Variants in URGCP observed in about 807,000 individuals in gnomAD.
URGCP encodes up-regulator of cell proliferation.
Under a neutral mutation model 24.6 loss-of-function variants are expected in URGCP, and 13 were observed. The observed-to-expected ratio is 0.53, with a 90% CI of 0.34 to 0.84. The LOEUF (loss-of-function observed/expected upper bound fraction) is 0.84. URGCP is among the 40% of genes least tolerant of loss of function. The pLI is 0.01. For synonymous variants in URGCP, 444 were observed against 487.2 expected, an observed-to-expected ratio of 0.91 and a Z score of 1.17; for missense variants, 899 against 1,194.3, an observed-to-expected ratio of 0.75 and a Z score of 3.64.
In URGCP at chr7:43,878,130, G is replaced by T. The variant is rs146588529; in HGVS notation, c.1333C>A (p.Arg445=). ...TGCGCCATGTCCTCCACAGATACCC[G>T]CCTGCAGGGTGCCCGCAGCACATTC... The part of the protein sequence containing the change: ...VGNVLRAPCR[R]VSVEDMAHAA... Residue 445 remains arginine (R), a synonymous_variant, in exon 6 of 6, where the codon CGG becomes AGG. Coordinates refer to ENST00000453200, the MANE Select transcript of URGCP (RefSeq NM_001077663.3). This position sits in a 1 kb window ranked among gnomAD's most constrained non-coding sequence, Gnocchi z 5.6. 19 of 1,614,198 alleles carry T rather than the reference G, an allele frequency of 1.2e-5. No homozygotes were observed. The highest frequency in any genetic ancestry group is 1.6e-5 in the Non-Finnish European group (19 of 1,180,038).
intron 3 of URGCP, among the ~76,000 whole-genome samples, chr7:43,884,401 A>T (rs2095859062): frequency 3.3e-5 from 5 of 152,162 alleles, no homozygotes; most frequent in Admixed American, 3.3e-4. Context: ...TAAGGATGAG[A>T]TAAGCTCTGA....
Position 43,877,670 on chromosome 7 carries a change from C to G in URGCP, c.1793G>C (p.Gly598Ala), listed in dbSNP as rs1313402829. Residue 598 changes from glycine to alanine, a missense_variant, in exon 6 of 6, where the codon GGC becomes GCC. Coordinates refer to ENST00000453200, the MANE Select transcript of URGCP (RefSeq NM_001077663.3). ...TLLTLRPKHGGTTDVGEPLWP... is the reference protein window; with the variant it reads ...TLLTLRPKHGATTDVGEPLWP... Reference sequence around the variant, plus strand: ...GAGCGGCTCCCCCACGTCTGTGGTGCCCCCATGCTTTGGTCTCAGGGTGAG... The same window carrying G: ...GAGCGGCTCCCCCACGTCTGTGGTGGCCCCATGCTTTGGTCTCAGGGTGAG... The G allele has an allele frequency of 1.9e-6, 3 of 1,614,054 alleles. 1 individual carries two copies. The Admixed American group carries it at 5.0e-5, about 27-fold the overall frequency.
intron 3 of URGCP, among the ~76,000 whole-genome samples, chr7:43,883,989 G>A (rs867778405): frequency 6.6e-5 from 10 of 152,198 alleles, no homozygotes. Context: ...AGAGAAAATG[G>A]TTAGAGAAAA....
intron 1 of URGCP, among the ~76,000 whole-genome samples, chr7:43,899,817 AAAAG>A (rs747281182): frequency 1.3e-5 from 2 of 152,192 alleles, no homozygotes; most frequent in South Asian, 4.1e-4. Context: ...TTAGTGCCCT[AAAAG>A]AAAGTATTAG....
At chr7:43,891,703 G>A (rs756913115) in intron 1 of URGCP, among the ~76,000 whole-genome samples, 1 of 152,068 alleles carries the variant, frequency 6.6e-6, no homozygotes, top group South Asian at 2.1e-4. Flanking sequence ...TTCTTGCAAC[G>A]CAATTTCATA....
chr7:43,879,092 G>T lies in URGCP; in HGVS notation c.371C>A (p.Ala124Asp). ...GGTATTCCTGGCATCAGCATTGAGGGCCTGCAACTTCCTGAGGAAATTCCA... is the reference window on the plus strand; with the variant it reads ...GGTATTCCTGGCATCAGCATTGAGGTCCTGCAACTTCCTGAGGAAATTCCA... ...LPWNFLRKLQ[A>D]LNADARNTTM... The change falls in exon 6 of 6, where the codon GCC becomes GAC. Residue 124 changes from alanine to aspartate, a missense_variant. Coordinates refer to ENST00000453200, the MANE Select transcript of URGCP (RefSeq NM_001077663.3). The T allele has an allele frequency of 6.2e-7, 1 of 1,614,182 alleles. No individual in the cohort carries two copies. The highest frequency in any genetic ancestry group is 8.5e-7 in the Non-Finnish European group (1 of 1,180,030).
In URGCP at chr7:43,876,306, C is replaced by A. The variant is rs112764311; in HGVS notation, c.*361G>T. On this transcript the variant is annotated 3_prime_UTR_variant, in exon 6 of 6. Coordinates refer to ENST00000453200, the MANE Select transcript of URGCP (RefSeq NM_001077663.3). ...CCACCTCTGTCCTGGGACCACCTGCCCGCCTGGGCCTGCAGTGACTAAGGA... is the reference window on the plus strand; with the variant it reads ...CCACCTCTGTCCTGGGACCACCTGCACGCCTGGGCCTGCAGTGACTAAGGA... The A allele has an allele frequency of 4.1e-3, 930 of 225,710 alleles. 3 individuals carry two copies. The highest frequency in any genetic ancestry group is 6.3e-3 in the Non-Finnish European group (723 of 114,112). The allele number at this position is 225,710 out of a possible 1,614,324, so 14.0% of individuals were successfully genotyped here. A position where few individuals can be genotyped will look rare whatever the true frequency, so the allele number is the denominator to read the frequency against.
chr7:43,903,718 T>C (rs2095895812), intron 1 of URGCP, among the ~76,000 whole-genome samples: 1 of 152,108 alleles, frequency 6.6e-6, no homozygotes, highest in East Asian at 1.9e-4. Context: ...TACACACTAC[T>C]CCCAATGCTG....
chr7:43,897,991 G>A (rs2068876), intron 1 of URGCP, among the ~76,000 whole-genome samples: 14,182 of 152,220 alleles, frequency 0.093, 844 homozygotes, highest in Middle Eastern at 0.16. Context: ...AATTGGCACT[G>A]ACAGACTGGC....
At chr7:43,918,428 T>C (rs796503887) in intron 1 of URGCP, among the ~76,000 whole-genome samples, 15 of 151,870 alleles carry the variant, frequency 9.9e-5, no homozygotes, top group African/African-American at 3.6e-4. Flanking sequence ...GCCTCCTGGG[T>C]TCAAGTGATT....
intron 1 of URGCP, among the ~76,000 whole-genome samples, chr7:43,897,059 T>C (rs1407319405): frequency 6.6e-6 from 1 of 152,108 alleles, no homozygotes; most frequent in East Asian, 1.9e-4. Flanking sequence ...ATATCCCCTA[T>C]ATTTAAGAAG....
rs2095869636 is a variant in URGCP, at chr7:43,890,831, C to T, written c.15-3015G>A. 2.0e-5 allele frequency among the ~76,000 whole-genome samples: 3 copies of T among 152,248 alleles called. No individual in the cohort carries two copies. The South Asian group carries it at 6.2e-4, about 32-fold the overall frequency. On this transcript the variant is annotated intron_variant, in intron 1 of 5. Coordinates refer to ENST00000453200, the MANE Select transcript of URGCP (RefSeq NM_001077663.3). ...CTGACCAACACCAGGGCAGCCATGC[C>T]ATAAATGGCATGTGGCTGAACCCTA...
intron 1 of URGCP, chr7:43,889,619 T>C (rs763380794): frequency 6.6e-6 from 1 of 152,248 alleles, no homozygotes; most frequent in Non-Finnish European, 1.5e-5. Flanking sequence ...TTTCCTGTCA[T>C]ATGTTTGAAA....
At chr7:43,897,530 C>A (rs1026202199) in intron 1 of URGCP, among the ~76,000 whole-genome samples, 1 of 151,342 alleles carries the variant, frequency 6.6e-6, no homozygotes, top group East Asian at 1.9e-4. Context: ...AAGCTAGAGA[C>A]GACTGAACTT....
chr7:43,895,822 C>T (rs1421097088), intron 1 of URGCP, among the ~76,000 whole-genome samples: 1 of 152,206 alleles, frequency 6.6e-6, no homozygotes, highest in Non-Finnish European at 1.5e-5. Flanking sequence ...GCATGTGATT[C>T]AGCAATCCCA....
chr7:43,919,535 C>G, intron 1 of URGCP: 2 of 1,355,624 alleles, frequency 1.5e-6, no homozygotes, highest in Admixed American at 3.4e-5. Context: ...TGACTATGGA[C>G]CAATCAGTGG....
intron 1 of URGCP, among the ~76,000 whole-genome samples, chr7:43,901,748 T>C (rs2095891131): frequency 6.6e-6 from 1 of 152,128 alleles, no homozygotes. Flanking sequence ...GCCTGGCCCA[T>C]TCAGACCAGG....
chr7:43,908,142 C>T (rs750015010), upstream of URGCP, among the ~76,000 whole-genome samples: 27 of 152,162 alleles, frequency 1.8e-4, no homozygotes, highest in African/African-American at 6.5e-4. Context: ...AGTGCAATGG[C>T]GAGATCTTGG....
chr7:43,906,295 C>A, intron 1 of URGCP: 1 of 170,452 alleles, frequency 5.9e-6, no homozygotes, highest in Non-Finnish European at 1.2e-5. Flanking sequence ...TCCCCGGATC[C>A]CCTAGGCCCG....
Sources: gnomAD v4.1 joint callset for allele counts (sites outside exome capture counted in the v4.1 genomes callset) on GRCh38, gnomAD v4.1.1 for gene constraint, Gnocchi (gnomAD v3.1) non-coding constraint, MANE v1.5 for transcripts, NCBI Gene and HGNC (gene_info 2026-07-23, HGNC 2026-07-21) for gene names.